Variants in CCSER2 observed in about 807,000 individuals in gnomAD.
CCSER2 encodes serine-rich coiled-coil domain-containing protein 2.
In CCSER2, 46 loss-of-function variants were observed where a neutral mutation model predicts 92.3. The observed-to-expected ratio is 0.50, with a 90% CI of 0.39 to 0.64. The LOEUF is 0.64. Ranked by LOEUF, CCSER2 falls within the 30% of genes least tolerant of loss-of-function variation. CCSER2 has a pLI of 0.00. For missense variants in CCSER2, 1,244 were observed against 1,238.9 expected (o/e 1.00, Z -0.06); for synonymous variants, 433 against 431.4 (o/e 1.00, Z -0.04).
rs889197562 is a variant in CCSER2, at chr10:84,356,263, C to A, written c.-39-14751C>A. Among the ~76,000 whole-genome samples the A allele has an allele frequency of 1.6e-4, 24 of 152,036 alleles. 1 individual carries two copies. Among genetic ancestry groups the A allele is most frequent in the Non-Finnish European group, 8.8e-5 (6 of 68,022 alleles). ...TTAATTCATAGAGGCAAACATTGCA[C>A]CTAACTTTAGTCACTTTGGTATTTG... On this transcript the variant is annotated intron_variant, in intron 1 of 9. Transcript: ENST00000372088.
intron 3 of CCSER2, among the ~76,000 whole-genome samples, chr10:84,407,347 C>A (rs1267909304): frequency 6.6e-6 from 1 of 151,766 alleles, no homozygotes; most frequent in Admixed American, 6.6e-5. Context: ...GTTTTGCTTC[C>A]ATCATTTGTT....
intron 3 of CCSER2, chr10:84,392,057 A>T: frequency 5.6e-6 from 6 of 1,080,680 alleles, no homozygotes; most frequent in Non-Finnish European, 8.5e-6. Context: ...TAATACACTT[A>T]AGCTGCAGTC....
chr10:84,471,561 A>G (rs1439377143), intron 8 of CCSER2, among the ~76,000 whole-genome samples: 2 of 152,138 alleles, frequency 1.3e-5, no homozygotes, highest in African/African-American at 2.4e-5. Flanking sequence ...ACAAAGGTAA[A>G]TTCTGACCTT....
At chr10:84,433,207 T>A (rs1181708820) in intron 5 of CCSER2, among the ~76,000 whole-genome samples, 1 of 152,222 alleles carries the variant, frequency 6.6e-6, no homozygotes, top group Non-Finnish European at 1.5e-5. Context: ...TTTTGCCTGT[T>A]CTAATAAAGA....
intron 5 of CCSER2, among the ~76,000 whole-genome samples, chr10:84,436,515 G>A (rs1458693636): frequency 6.7e-6 from 1 of 150,080 alleles, no homozygotes; most frequent in Non-Finnish European, 1.5e-5. Context: ...GGCACCTGTA[G>A]TCCCAGCTAC....
In CCSER2 at chr10:84,455,723, C is replaced by G. The variant is rs1845577381; in HGVS notation, c.2065-8210C>G. The G allele has an allele frequency of 4.5e-5, 38 of 842,702 alleles. No individual in the cohort carries two copies. In the South Asian group the frequency reaches 4.9e-4, roughly 11 times the overall value. The allele number at this position is 842,702 out of a possible 1,614,324, so 52.2% of individuals were successfully genotyped here. The stretch of plus-strand genomic sequence containing the variant: ...ATTCTTTACCAAAAGATCAAATGAC[C>G]TCTCTGTAAAATGCACCTGCACATT... On this transcript the variant is annotated intron_variant, in intron 6 of 9. Transcript: ENST00000372088.
chr10:84,500,060 G>T, intron 9 of CCSER2: 1 of 1,543,058 alleles, frequency 6.5e-7, no homozygotes, highest in Non-Finnish European at 8.8e-7. Flanking sequence ...TTTCTATCCT[G>T]AGTGCTCTGC....
At position 84,346,788 on chromosome 10, in the gene CCSER2, A is replaced by G. The variant is rs61865015; in HGVS notation, c.-40+17980A>G. Reference sequence around the variant, plus strand: ...TATATATATATATATTTATTTATTTATTTGTTTATTTTATTGATCATTCTT... The same window carrying G: ...TATATATATATATATTTATTTATTTGTTTGTTTATTTTATTGATCATTCTT... On this transcript the variant is annotated intron_variant, in intron 1 of 9. Coordinates refer to ENST00000372088, the MANE Select transcript of CCSER2 (RefSeq NM_001284240.2). 4.5e-3 allele frequency among the ~76,000 whole-genome samples: 669 copies of G among 149,592 alleles called. 4 individuals carry two copies. The highest frequency in any genetic ancestry group is 6.4e-3 in the Admixed American group (97 of 15,066).
chr10:84,493,015 A>G (rs1282686461), intron 9 of CCSER2, among the ~76,000 whole-genome samples: 1 of 152,128 alleles, frequency 6.6e-6, no homozygotes, highest in Non-Finnish European at 1.5e-5. Flanking sequence ...TGCTTTATGG[A>G]AGAGATAGTG....
intron 1 of CCSER2, among the ~76,000 whole-genome samples, chr10:84,360,681 A>G (rs572714031): frequency 9.2e-5 from 14 of 152,286 alleles, no homozygotes; most frequent in African/African-American, 3.4e-4. Flanking sequence ...TTTCCAACGT[A>G]TGAATTCCAG....
At chr10:84,357,696 C>T (rs924207817) in intron 1 of CCSER2, among the ~76,000 whole-genome samples, 8 of 152,242 alleles carry the variant, frequency 5.3e-5, no homozygotes, top group African/African-American at 7.2e-5. Context: ...GTGATTCGCC[C>T]GCCTCAGACT....
At chr10:84,440,649 C>T (rs934705899) in intron 6 of CCSER2, among the ~76,000 whole-genome samples, 1 of 152,144 alleles carries the variant, frequency 6.6e-6, no homozygotes, top group African/African-American at 2.4e-5. Context: ...GATAGCATGT[C>T]TTCTTTCTTC....
At chr10:84,501,319 G>A (rs1265180939) in intron 9 of CCSER2, among the ~76,000 whole-genome samples, 4 of 152,104 alleles carry the variant, frequency 2.6e-5, no homozygotes, top group East Asian at 1.9e-4. Context: ...TAGGCTTGTG[G>A]CCAGTAAACA....
chr10:84,460,256 ATTT>A (rs57903884), intron 6 of CCSER2, among the ~76,000 whole-genome samples: 8,018 of 125,682 alleles, frequency 0.064, 320 homozygotes, highest in Admixed American at 0.11. Context: ...TGCCCGGCTG[ATTT>A]TTTTTTTTTT....
At position 84,489,334 on chromosome 10, in the gene CCSER2, G is replaced by A. The variant is rs141806696; in HGVS notation, c.2325+11670G>A. 2.8e-4 allele frequency among the ~76,000 whole-genome samples: 42 copies of A among 152,256 alleles called. 1 individual carries two copies. The East Asian group carries it at 7.9e-3, about 29-fold the overall frequency. On this transcript the variant is annotated intron_variant, in intron 9 of 9. Transcript: ENST00000372088. ...CATTGATCTGTCTAAGGTTGACAGT[G>A]GGGTGTTAAAGTCTTTCATTATTAT...
intron 3 of CCSER2, among the ~76,000 whole-genome samples, chr10:84,399,723 A>G (rs879306440): frequency 3.7e-4 from 55 of 150,584 alleles, no homozygotes; most frequent in Non-Finnish European, 6.9e-4. Flanking sequence ...TGGCTGTTAT[A>G]TCTCTGTTGA....
At chr10:84,457,475 A>T (rs1424332008) in intron 6 of CCSER2, among the ~76,000 whole-genome samples, 1 of 113,512 alleles carries the variant, frequency 8.8e-6, no homozygotes, top group Admixed American at 1.2e-4. Context: ...TATATATATA[A>T]AAGACATGGA....
intron 5 of CCSER2, among the ~76,000 whole-genome samples, chr10:84,431,849 A>C (rs1317076294): frequency 6.6e-6 from 1 of 152,258 alleles, no homozygotes; most frequent in Admixed American, 6.5e-5. Context: ...ATTATTAATA[A>C]AACTGCTGTA....
intron 6 of CCSER2, among the ~76,000 whole-genome samples, chr10:84,451,549 G>A (rs1005696872): frequency 6.6e-6 from 1 of 152,060 alleles, no homozygotes; most frequent in African/African-American, 2.4e-5. Flanking sequence ...TGAGGAGTTG[G>A]ATATTTTTTA....
Sources: gnomAD v4.1 joint callset for allele counts (sites outside exome capture counted in the v4.1 genomes callset) on GRCh38, gnomAD v4.1.1 for gene constraint, MANE v1.5 for transcripts, NCBI Gene and HGNC (gene_info 2026-07-23, HGNC 2026-07-21) for gene names.